The following FYN variants were observed in gnomAD, a reference collection of about 807,000 sequenced individuals.
FYN encodes tyrosine-protein kinase Fyn.
FYN carries 10 observed loss-of-function variants against 70.2 expected under a neutral mutation model. That is an observed-to-expected ratio of 0.14 (90% CI 0.09 to 0.24). The LOEUF (loss-of-function observed/expected upper bound fraction) is 0.24, where lower values mean the gene tolerates loss of function less well. FYN is among the 10% of genes least tolerant of loss of function. The pLI is 1.00. For synonymous variants in FYN, 236 were observed against 248.6 expected, an observed-to-expected ratio of 0.95 and a Z score of 0.48; for missense variants, 319 against 673.1, an observed-to-expected ratio of 0.47 and a Z score of 5.82.
chr6:111,750,155 G>T (rs562635815), intron 3 of FYN, among the ~76,000 whole-genome samples: 2 of 152,316 alleles, frequency 1.3e-5, no homozygotes, highest in South Asian at 4.1e-4. Flanking sequence ...CAGTTTGCAT[G>T]TATGTCTCCG....
At chr6:111,862,508 T>C (rs915834848) in intron 1 of FYN, among the ~76,000 whole-genome samples, 4 of 152,148 alleles carry the variant, frequency 2.6e-5, no homozygotes, top group African/African-American at 9.7e-5. Flanking sequence ...GCCAGCTGCA[T>C]GTTCCAGTGC....
intron 2 of FYN, among the ~76,000 whole-genome samples, chr6:111,792,677 A>G (rs1006898542): frequency 6.6e-6 from 1 of 152,230 alleles, no homozygotes; most frequent in South Asian, 2.1e-4. Flanking sequence ...TCTCCTAAAT[A>G]TAATGTTATT....
At chr6:111,740,083 A>T (rs1219898901) in intron 3 of FYN, among the ~76,000 whole-genome samples, 1 of 152,116 alleles carries the variant, frequency 6.6e-6, no homozygotes, top group African/African-American at 2.4e-5. Flanking sequence ...GGTCTCCCAA[A>T]GTGCTGGGAG....
intron 3 of FYN, among the ~76,000 whole-genome samples, chr6:111,778,632 A>C (rs1771046059): frequency 6.7e-6 from 1 of 148,266 alleles, no homozygotes; most frequent in African/African-American, 2.5e-5. Flanking sequence ...GAAGTGGCGT[A>C]GTCTTGGCTT....
At chr6:111,664,548 G>A (rs936589138) in intron 13 of FYN, among the ~76,000 whole-genome samples, 10 of 152,096 alleles carry the variant, frequency 6.6e-5, no homozygotes, top group African/African-American at 2.4e-4. Context: ...TCCAGTGCTC[G>A]GTCCAAGCCT....
At chr6:111,749,342 C>T (rs62413663) in intron 3 of FYN, among the ~76,000 whole-genome samples, 10,859 of 152,222 alleles carry the variant, frequency 0.071, 994 homozygotes, top group African/African-American at 0.22. Context: ...TTATGATACA[C>T]AGACTGAGCT....
chr6:111,773,012 G>A (rs1424373005), intron 3 of FYN, among the ~76,000 whole-genome samples: 2 of 151,262 alleles, frequency 1.3e-5, no homozygotes, highest in Non-Finnish European at 2.9e-5. Context: ...ATTCTTAGGG[G>A]ACGGGTGGTG....
At chr6:111,662,917 G>T (rs1797822107) in intron 13 of FYN, among the ~76,000 whole-genome samples, 1 of 152,086 alleles carries the variant, frequency 6.6e-6, no homozygotes, top group African/African-American at 2.4e-5. Context: ...TCTGACTCTT[G>T]GGAAGCTGTT....
chr6:111,722,546 T>TC (rs1352703458), intron 3 of FYN, among the ~76,000 whole-genome samples: 1 of 152,214 alleles, frequency 6.6e-6, no homozygotes, highest in African/African-American at 2.4e-5. Context: ...TTTCTTTTTT[T>TC]CCATGAATTT....
At chr6:111,750,312 G>T (rs1802427037) in intron 3 of FYN, among the ~76,000 whole-genome samples, 1 of 152,092 alleles carries the variant, frequency 6.6e-6, no homozygotes, top group Non-Finnish European at 1.5e-5. Flanking sequence ...TGTGAGATCT[G>T]GTTGTTTAAA....
intron 3 of FYN, among the ~76,000 whole-genome samples, chr6:111,760,108 C>A (rs1802937691): frequency 6.6e-6 from 1 of 152,030 alleles, no homozygotes; most frequent in Non-Finnish European, 1.5e-5. Context: ...ATATGCGTCA[C>A]CCATACCGTA....
chr6:111,756,933 T>C (rs1802764835), intron 3 of FYN, among the ~76,000 whole-genome samples: 1 of 152,154 alleles, frequency 6.6e-6, no homozygotes, highest in African/African-American at 2.4e-5. Context: ...ATCTGTGCTA[T>C]CCCTACTTCC....
intron 2 of FYN, among the ~76,000 whole-genome samples, chr6:111,785,994 G>T (rs1228498643): frequency 1.3e-5 from 2 of 151,840 alleles, no homozygotes; most frequent in Non-Finnish European, 2.9e-5. Context: ...CAAAGGACAT[G>T]AACTCATTCT....
intron 3 of FYN, among the ~76,000 whole-genome samples, chr6:111,723,844 G>A (rs1057361367): frequency 1.3e-5 from 2 of 152,132 alleles, no homozygotes; most frequent in Non-Finnish European, 2.9e-5. Flanking sequence ...TAGATCTCTG[G>A]GGCACCGGGA....
intron 13 of FYN, among the ~76,000 whole-genome samples, chr6:111,668,898 C>T (rs1798131307): frequency 6.6e-6 from 1 of 152,142 alleles, no homozygotes. Flanking sequence ...CCTTTCTTCT[C>T]CCATGAAAAA....
chr6:111,734,759 C>A (rs949184140), intron 3 of FYN, among the ~76,000 whole-genome samples: 3 of 152,222 alleles, frequency 2.0e-5, no homozygotes, highest in African/African-American at 7.2e-5. Flanking sequence ...CAGTTTTCAA[C>A]TGTTTCATTT....
chr6:111,739,774 T>C (rs1801873708), intron 3 of FYN, among the ~76,000 whole-genome samples: 1 of 152,236 alleles, frequency 6.6e-6, no homozygotes, highest in South Asian at 2.1e-4. Flanking sequence ...ATGTGGATTA[T>C]GCCAACTACT....
chr6:111,723,265 A>AG (rs1480304230), intron 3 of FYN, among the ~76,000 whole-genome samples: 7 of 152,350 alleles, frequency 4.6e-5, no homozygotes, highest in African/African-American at 1.7e-4. Flanking sequence ...AAAAATCATC[A>AG]GCTCCTTGAA....
intron 13 of FYN, among the ~76,000 whole-genome samples, chr6:111,671,340 G>C (rs1168648423): frequency 6.6e-6 from 1 of 151,936 alleles, no homozygotes; most frequent in Non-Finnish European, 1.5e-5. Flanking sequence ...GTTCCTTCTG[G>C]GATTGTCACT....
Sources: gnomAD v4.1 joint callset for allele counts (sites outside exome capture counted in the v4.1 genomes callset) on GRCh38, gnomAD v4.1.1 for gene constraint, MANE v1.5 for transcripts, NCBI Gene and HGNC (gene_info 2026-07-23, HGNC 2026-07-21) for gene names.